The following DYNC2I1 variants were observed in gnomAD, a reference collection of about 807,000 sequenced individuals.
DYNC2I1 encodes dynein 2 intermediate chain 1.
Under a neutral mutation model 133.4 loss-of-function variants are expected in DYNC2I1, and 89 were observed. That is an observed-to-expected ratio of 0.67 (90% CI 0.56 to 0.80). The LOEUF (loss-of-function observed/expected upper bound fraction) is 0.80. Among genes scored for constraint, DYNC2I1 ranks in the 30% least tolerant of loss-of-function variants. The probability of loss-of-function intolerance (pLI) is 0.00; values close to 1 mark genes in which losing one functional copy is unlikely to be tolerated. For synonymous variants in DYNC2I1, 504 were observed against 484.3 expected, an observed-to-expected ratio of 1.04 and a Z score of -0.54; for missense variants, 1,291 against 1,314.5, an observed-to-expected ratio of 0.98 and a Z score of 0.28.
chr7:158,923,799 C>T (rs1236099756), intron 17 of DYNC2I1, 66 bp downstream of exon 17: 2 of 1,552,038 alleles, frequency 1.3e-6, no homozygotes, highest in Non-Finnish European at 1.7e-6. Context: ...AGGAACAAAG[C>T]TTTACATGGA....
At chr7:158,911,710 A>G in intron 12 of DYNC2I1, 31 bp downstream of exon 12, 1 of 1,582,558 alleles carries the variant, frequency 6.3e-7, no homozygotes, top group South Asian at 1.2e-5. Flanking sequence ...CTAAGTGATA[A>G]AATGCAAGTA....
At chr7:158,936,922 C>A (rs1185533387) in intron 23 of DYNC2I1, among the ~76,000 whole-genome samples, 3 of 152,142 alleles carry the variant, frequency 2.0e-5, no homozygotes, top group Admixed American at 6.5e-5. Context: ...TCAATAAAAA[C>A]CAAAACAAGC....
At chr7:158,915,497 C>G (rs1467764314) in intron 14 of DYNC2I1, among the ~76,000 whole-genome samples, 13 of 148,042 alleles carry the variant, frequency 8.8e-5, no homozygotes, top group South Asian at 4.2e-4. Flanking sequence ...ATTGTGAAAC[C>G]TCGACACGGT....
intron 5 of DYNC2I1, among the ~76,000 whole-genome samples, chr7:158,882,845 C>G (rs570814163): frequency 2.1e-5 from 3 of 146,088 alleles, no homozygotes; most frequent in East Asian, 2.0e-4. Flanking sequence ...CACTGCACTC[C>G]AGACTGGAGG....
the DYNC2I1 span, among the ~76,000 whole-genome samples, chr7:158,841,204 TA>T: frequency 4.2e-3 from 221 of 52,662 alleles, 7 homozygotes; most frequent in South Asian, 0.016. Context: ...TATATATATA[TA>T]TATATATATA....
chr7:158,914,729 C>T (rs898274751), intron 14 of DYNC2I1, among the ~76,000 whole-genome samples: 1 of 152,192 alleles, frequency 6.6e-6, no homozygotes, highest in Non-Finnish European at 1.5e-5. Context: ...AGACATGGAA[C>T]AGTCCTGTGA....
At chr7:158,919,207 A>T (rs1848770202) in intron 15 of DYNC2I1, among the ~76,000 whole-genome samples, 1 of 152,322 alleles carries the variant, frequency 6.6e-6, no homozygotes, top group East Asian at 1.9e-4. Flanking sequence ...TTTTCTTGAG[A>T]TAGAGTAGTA....
intron 15 of DYNC2I1, among the ~76,000 whole-genome samples, chr7:158,920,997 G>T (rs1010650923): frequency 2.0e-5 from 3 of 152,206 alleles, no homozygotes; most frequent in Non-Finnish European, 4.4e-5. Flanking sequence ...TTCTGTAGCG[G>T]GTGCTATGCC....
chr7:158,955,261 T>C (rs535042476), intron 4 of DYNC2I1, among the ~76,000 whole-genome samples: 144 of 152,344 alleles, frequency 9.5e-4, no homozygotes, highest in African/African-American at 3.4e-3. Flanking sequence ...CCGCTGGCTC[T>C]GGGCCACGCC....
chr7:158,884,719 C>A, intron 6 of DYNC2I1, 100 bp downstream of exon 6: 1 of 1,272,754 alleles, frequency 7.9e-7, no homozygotes, highest in Non-Finnish European at 1.1e-6. Flanking sequence ...CAGTCCATGG[C>A]AATCAGTTAT....
chr7:158,923,784 A>G lies in DYNC2I1; in HGVS notation c.2257+51A>G, dbSNP rs1378572921. 5 of 1,575,122 alleles carry G rather than the reference A, an allele frequency of 3.2e-6. No homozygotes were observed. The African/African-American group carries it at 6.8e-5, about 22-fold the overall frequency. On this transcript the variant is annotated intron_variant, in intron 17 of 24. Transcript: ENST00000407559. ...TGTGTCTGCTAGAAAAGCCACACGGATTTGAGGAACAAAGCTTTACATGGA... is the reference window on the plus strand; with the variant it reads ...TGTGTCTGCTAGAAAAGCCACACGGGTTTGAGGAACAAAGCTTTACATGGA...
intron 24 of DYNC2I1, among the ~76,000 whole-genome samples, chr7:158,944,155 A>G (rs1324130281): frequency 1.3e-5 from 2 of 152,184 alleles, no homozygotes; most frequent in African/African-American, 2.4e-5. Flanking sequence ...TACCCGTTGC[A>G]TGTGGTTGAG....
intron 12 of DYNC2I1, among the ~76,000 whole-genome samples, chr7:158,912,583 A>C (rs1006007348): frequency 6.6e-6 from 1 of 152,160 alleles, no homozygotes; most frequent in Non-Finnish European, 1.5e-5. Context: ...CTGGTTTTGC[A>C]GCTGATTCAC....
chr7:158,869,407 G>T, intron 1 of DYNC2I1: 1 of 469,024 alleles, frequency 2.1e-6, no homozygotes, highest in South Asian at 1.6e-5. Flanking sequence ...TGTCCTGGGA[G>T]GCCCATGATA....
downstream of DYNC2I1, among the ~76,000 whole-genome samples, chr7:158,948,098 C>T (rs972850459): frequency 6.6e-6 from 1 of 152,224 alleles, no homozygotes; most frequent in African/African-American, 2.4e-5. Flanking sequence ...CTAGCGATGC[C>T]TCCGGGATCT....
chr7:158,867,936 G>A (rs1466454256), intron 1 of DYNC2I1, among the ~76,000 whole-genome samples: 1 of 152,082 alleles, frequency 6.6e-6, no homozygotes, highest in Non-Finnish European at 1.5e-5. Flanking sequence ...TGAGGAGTTT[G>A]GGCAACATGG....
intron 3 of DYNC2I1, among the ~76,000 whole-genome samples, chr7:158,875,993 A>T (rs527680043): frequency 6.6e-6 from 1 of 152,338 alleles, no homozygotes; most frequent in East Asian, 1.9e-4. Context: ...TGAGGCAAGA[A>T]ATCTCTCTGT....
At chr7:158,841,202 TATATATATATATA>T in the DYNC2I1 span, among the ~76,000 whole-genome samples, 50 of 44,322 alleles carry the variant, frequency 1.1e-3, 2 homozygotes, top group East Asian at 0.012. Flanking sequence ...TATATATATA[TATATATATATATA>T]TATATATTTT....
Position 158,945,780 on chromosome 7 carries a change from C to G in DYNC2I1, c.*1C>G, listed in dbSNP as rs549435655. 1 of 1,545,746 alleles carries G rather than the reference C, an allele frequency of 6.5e-7. No homozygotes were observed. The highest frequency in any genetic ancestry group is 8.7e-7 in the Non-Finnish European group (1 of 1,146,152). On this transcript the variant is annotated 3_prime_UTR_variant, in exon 25 of 25. Transcript: ENST00000407559. This position sits in a 1 kb window ranked among gnomAD's most constrained non-coding sequence, Gnocchi z 4.1. Reference sequence around the variant, plus strand: ...GCCAGAGGGAAAACTGCACAAGTAGCGGGTGTGGCTGAGAGGACCGCGTTT... The same window carrying G: ...GCCAGAGGGAAAACTGCACAAGTAGGGGGTGTGGCTGAGAGGACCGCGTTT...
Sources: gnomAD v4.1 joint callset for allele counts (sites outside exome capture counted in the v4.1 genomes callset) on GRCh38, gnomAD v4.1.1 for gene constraint, Gnocchi (gnomAD v3.1) non-coding constraint, MANE v1.5 for transcripts, NCBI Gene and HGNC (gene_info 2026-07-23, HGNC 2026-07-21) for gene names.